The following MRPS5 variants were observed in gnomAD, a reference collection of about 807,000 sequenced individuals.
MRPS5 encodes mitochondrial ribosomal protein S5.
In MRPS5, 27 loss-of-function variants were observed where a neutral mutation model predicts 51.9. The ratio of observed to expected loss-of-function variants is 0.52; its 90% confidence interval spans 0.38 to 0.72. The LOEUF (loss-of-function observed/expected upper bound fraction) is 0.72, where lower values mean the gene tolerates loss of function less well. Among genes scored for constraint, MRPS5 ranks in the 30% least tolerant of loss-of-function variants. MRPS5 has a pLI of 0.00. For synonymous variants in MRPS5, 196 were observed against 193.2 expected (o/e 1.01, Z -0.12); for missense variants, 570 against 545.7 (o/e 1.04, Z -0.44).
At chr2:95,110,314 TCA>T (rs1406809856) in intron 3 of MRPS5, among the ~76,000 whole-genome samples, 1 of 152,244 alleles carries the variant, frequency 6.6e-6, no homozygotes, top group African/African-American at 2.4e-5. Context: ...CATTCAAATC[TCA>T]GTTACTTACC....
At position 95,121,762 on chromosome 2, in the gene MRPS5, G is replaced by C. The variant is rs763912043; in HGVS notation, c.30C>G (p.Cys10Trp). 24 of 1,553,200 alleles carry C rather than the reference G, an allele frequency of 1.5e-5. No homozygotes were observed. The South Asian group carries it at 2.8e-4, about 18-fold the overall frequency. MATAVRAVG[C>W]LPVLCSGTAG... Reference sequence around the variant, plus strand: ...CCGTCCCGCTACACAGCACGGGGAGGCAGCCCACAGCGCGCACCGCGGTCG... The same window carrying C: ...CCGTCCCGCTACACAGCACGGGGAGCCAGCCCACAGCGCGCACCGCGGTCG... The change falls in exon 1 of 12, where the codon TGC becomes TGG. Residue 10 changes from cysteine to tryptophan, a missense_variant. Cys to Trp is a radical substitution (Grantham distance 215). Transcript: ENST00000272418.
intron 5 of MRPS5, 145 bp downstream of exon 5, chr2:95,108,030 T>C (rs1324653458): frequency 4.4e-6 from 3 of 675,078 alleles, no homozygotes; most frequent in East Asian, 5.4e-5. Flanking sequence ...AGTTGGGATA[T>C]TGATGTGATA....
Position 95,107,394 on chromosome 2 carries a change from T to C in MRPS5, c.637+781A>G, listed in dbSNP as rs146004374. Among the ~76,000 whole-genome samples, 873 of 152,306 alleles carry C rather than the reference T, an allele frequency of 5.7e-3. 10 individuals are homozygous for C. The highest frequency in any genetic ancestry group is 0.02 in the African/African-American group (811 of 41,560). On this transcript the variant is annotated intron_variant, in intron 5 of 11. Coordinates refer to ENST00000272418, the MANE Select transcript of MRPS5 (RefSeq NM_031902.5). ...TCCACTACAACCCCACAGGCTCACCTGATTCTGTGCCCTGCCCTTCCTTCT... is the reference window on the plus strand; with the variant it reads ...TCCACTACAACCCCACAGGCTCACCCGATTCTGTGCCCTGCCCTTCCTTCT...
rs773163939 is a variant in MRPS5, at chr2:95,109,866, G to T, written c.403+50C>A. On this transcript the variant is annotated intron_variant, in intron 4 of 11. Transcript: ENST00000272418. ...AGTTTGTAAAATATCTATAAAATCT[G>T]GGGTAAGAAACTTACAAAGCACTTT... The T allele has an allele frequency of 2.5e-6, 4 of 1,576,542 alleles. No homozygotes were observed. The Admixed American group carries it at 5.6e-5, about 22-fold the overall frequency.
intron 7 of MRPS5, among the ~76,000 whole-genome samples, chr2:95,103,535 C>T (rs1675861992): frequency 6.6e-6 from 1 of 152,160 alleles, no homozygotes; most frequent in Admixed American, 6.5e-5. Flanking sequence ...TTTATCAGCA[C>T]TTAAAATACA....
chr2:95,097,571 C>T (rs1326471895), intron 10 of MRPS5, among the ~76,000 whole-genome samples: 1 of 152,148 alleles, frequency 6.6e-6, no homozygotes, highest in African/African-American at 2.4e-5. Context: ...TGATCTTTGA[C>T]AAACCTGACA....
chr2:95,106,251 G>C (rs1210031275), intron 6 of MRPS5, among the ~76,000 whole-genome samples, 172 bp downstream of exon 6: 1 of 152,134 alleles, frequency 6.6e-6, no homozygotes, highest in African/African-American at 2.4e-5. Flanking sequence ...AGAAGAGCCA[G>C]TATCCAGTAA....
chr2:95,094,689 C>G (rs1374684144), intron 10 of MRPS5, among the ~76,000 whole-genome samples: 4 of 152,152 alleles, frequency 2.6e-5, no homozygotes, highest in African/African-American at 7.2e-5. Flanking sequence ...CTGAGAGATT[C>G]TGTCACTACC....
intron 3 of MRPS5, among the ~76,000 whole-genome samples, chr2:95,113,696 T>C (rs1355037688): frequency 6.6e-6 from 1 of 152,310 alleles, no homozygotes; most frequent in South Asian, 2.1e-4. Flanking sequence ...AAGTCTTTTC[T>C]GCGTTGTTGC....
chr2:95,121,717 G>A lies in MRPS5; in HGVS notation c.58+17C>T, dbSNP rs779414364. The A allele has an allele frequency of 1.2e-5, 19 of 1,533,856 alleles. No individual in the cohort carries two copies. The African/African-American group carries it at 1.8e-4, about 15-fold the overall frequency. ...CGGCCCGCTCAGAGCCCCTGCTCCC[G>A]GCGTCCCAGCTCTCACCTGCCGTCC... On this transcript the variant is annotated intron_variant, in intron 1 of 11. Transcript: ENST00000272418.
intron 10 of MRPS5, chr2:95,093,212 A>C (rs1675520969): frequency 6.6e-6 from 1 of 152,420 alleles, no homozygotes; most frequent in African/African-American, 2.4e-5. Flanking sequence ...GGAAGCTCGA[A>C]CTGGGTGGAG....
intron 1 of MRPS5, among the ~76,000 whole-genome samples, chr2:95,120,851 G>A (rs536113606): frequency 2.6e-4 from 39 of 152,348 alleles, no homozygotes; most frequent in African/African-American, 8.7e-4. Flanking sequence ...GCCGGGCGTG[G>A]TGGCTCACAC....
chr2:95,113,260 A>C (rs1464293824), intron 3 of MRPS5, among the ~76,000 whole-genome samples: 1 of 151,948 alleles, frequency 6.6e-6, no homozygotes, highest in African/African-American at 2.4e-5. Flanking sequence ...GTGGATCACA[A>C]GGTCAGAAGA....
chr2:95,097,600 A>G (rs10183994), intron 10 of MRPS5, among the ~76,000 whole-genome samples: 26,659 of 152,200 alleles, frequency 0.18, 2,674 homozygotes, highest in Admixed American at 0.3. Flanking sequence ...AAATGGGGAA[A>G]GGATTCCCTA....
intron 11 of MRPS5, 62 bp from the exon 12 acceptor site, chr2:95,087,643 G>A: frequency 1.7e-5 from 24 of 1,431,070 alleles, no homozygotes; most frequent in South Asian, 9.0e-5. Context: ...TAAAGAGCAG[G>A]AACTTCCACA....
chr2:95,114,309 G>A (rs942793270), intron 3 of MRPS5, among the ~76,000 whole-genome samples: 4 of 150,334 alleles, frequency 2.7e-5, no homozygotes, highest in African/African-American at 9.8e-5. Context: ...CCAGGCTGGA[G>A]TGCAGTGGCA....
At chr2:95,103,859 T>C (rs1348085721) in intron 7 of MRPS5, 1 of 152,178 alleles carries the variant, frequency 6.6e-6, no homozygotes, top group Non-Finnish European at 1.5e-5. Flanking sequence ...ATGTAAATTT[T>C]TTAAAGATGT....
intron 9 of MRPS5, 149 bp downstream of exon 9, chr2:95,100,688 C>T: frequency 2.3e-6 from 2 of 884,912 alleles, no homozygotes; most frequent in Non-Finnish European, 3.4e-6. Context: ...TTTTAGTAAC[C>T]TTCTTAGGAG....
chr2:95,115,766 T>C (rs974524387), intron 2 of MRPS5, among the ~76,000 whole-genome samples: 1 of 152,212 alleles, frequency 6.6e-6, no homozygotes, highest in Non-Finnish European at 1.5e-5. Flanking sequence ...AGTTCCCTCT[T>C]AGCTCACTTA....
Sources: allele counts gnomAD v4.1 joint callset (sites outside exome capture counted in the v4.1 genomes callset), GRCh38; gene constraint gnomAD v4.1.1; transcripts MANE v1.5; gene names NCBI Gene and HGNC (gene_info 2026-07-23, HGNC 2026-07-21).